CEP128: variants seen among roughly 807,000 people sequenced by gnomAD.
CEP128 encodes centrosomal protein 128kDa.
CEP128 carries 132 observed loss-of-function variants against 156.7 expected under a neutral mutation model. The ratio of observed to expected loss-of-function variants is 0.84; its 90% CI spans 0.73 to 0.97. The LOEUF (loss-of-function observed/expected upper bound fraction) is 0.97. Ranked by LOEUF, CEP128 falls within the 50% of genes least tolerant of loss-of-function variation. The pLI, the probability that CEP128 is intolerant of heterozygous loss-of-function variation, is 0.00. For synonymous variants in CEP128, 469 were observed against 448.9 expected, an observed-to-expected ratio of 1.04 and a Z score of -0.57; for missense variants, 1,252 against 1,281.9, an observed-to-expected ratio of 0.98 and a Z score of 0.36.
intron 19 of CEP128, among the ~76,000 whole-genome samples, chr14:80,598,019 T>C (rs1892418716): frequency 6.7e-6 from 1 of 149,972 alleles, no homozygotes; most frequent in Admixed American, 6.6e-5. Context: ...ACTGAAATGT[T>C]TTCCATTTAA....
chr14:80,649,157 C>T (rs1263101090), intron 19 of CEP128, among the ~76,000 whole-genome samples: 1 of 151,994 alleles, frequency 6.6e-6, no homozygotes, highest in South Asian at 2.1e-4. Flanking sequence ...TGAACATGAA[C>T]AGGAGTGGGG....
intron 19 of CEP128, among the ~76,000 whole-genome samples, chr14:80,619,359 GACACACAGAC>G (rs1760659104): frequency 1.4e-5 from 1 of 72,678 alleles, no homozygotes; most frequent in Non-Finnish European, 2.5e-5. Context: ...ATGATTTAAA[GACACACAGAC>G]ACACACACAC....
chr14:80,563,492 A>C, intron 20 of CEP128, among the ~76,000 whole-genome samples: 1 of 140,754 alleles, frequency 7.1e-6, no homozygotes, highest in African/African-American at 2.7e-5. Flanking sequence ...GGTAATGCAG[A>C]CTCTCTGAAG....
chr14:80,547,908 C>T (rs1890053165), intron 21 of CEP128, among the ~76,000 whole-genome samples: 2 of 151,810 alleles, frequency 1.3e-5, no homozygotes, highest in Non-Finnish European at 2.9e-5. Context: ...AAGCAATTCT[C>T]CTGCCTCAGC....
chr14:80,595,132 A>T (rs1461570130), intron 19 of CEP128, among the ~76,000 whole-genome samples: 1 of 152,252 alleles, frequency 6.6e-6, no homozygotes, highest in East Asian at 1.9e-4. Context: ...CACATGGAAT[A>T]CTATGCAGCC....
chr14:80,938,605 T>C (rs1885968855), intron 2 of CEP128, among the ~76,000 whole-genome samples: 1 of 152,174 alleles, frequency 6.6e-6, no homozygotes, highest in Admixed American at 6.5e-5. Flanking sequence ...CAGAGCCTTT[T>C]ATCTATCGAG....
chr14:80,900,696 A>T (rs1883500188), intron 6 of CEP128, among the ~76,000 whole-genome samples: 1 of 152,240 alleles, frequency 6.6e-6, no homozygotes. Context: ...AAAACAAAAC[A>T]ATCATAGATA....
At chr14:80,670,330 G>A (rs1302289109) in intron 19 of CEP128, among the ~76,000 whole-genome samples, 1 of 152,146 alleles carries the variant, frequency 6.6e-6, no homozygotes, top group African/African-American at 2.4e-5. Flanking sequence ...GATTCAACCT[G>A]TATCCATCAA....
chr14:80,937,314 C>T (rs1049367703), intron 2 of CEP128, among the ~76,000 whole-genome samples: 89 of 152,244 alleles, frequency 5.8e-4, no homozygotes, highest in African/African-American at 1.9e-3. Flanking sequence ...GAGTGAGACC[C>T]TGTCTCAATC....
chr14:80,816,527 C>T (rs1884867806), intron 13 of CEP128, among the ~76,000 whole-genome samples: 1 of 152,100 alleles, frequency 6.6e-6, no homozygotes, highest in Non-Finnish European at 1.5e-5. Context: ...GCTACCATGC[C>T]CAGCCAGCAC....
At chr14:80,654,371 T>C (rs1378679019) in intron 19 of CEP128, among the ~76,000 whole-genome samples, 3 of 152,162 alleles carry the variant, frequency 2.0e-5, no homozygotes, top group South Asian at 2.1e-4. Flanking sequence ...TTTTGTCGTT[T>C]AGCTGAAATT....
chr14:80,770,730 T>C (rs1223238367), intron 16 of CEP128, among the ~76,000 whole-genome samples: 2 of 152,050 alleles, frequency 1.3e-5, no homozygotes, highest in African/African-American at 2.4e-5. Context: ...TCTAAATTAA[T>C]GTGTGGTGAC....
intron 13 of CEP128, among the ~76,000 whole-genome samples, chr14:80,804,224 A>G (rs771783448): frequency 6.6e-5 from 10 of 150,402 alleles, no homozygotes; most frequent in Non-Finnish European, 1.3e-4. Context: ...TATGCACACA[A>G]TTAATTACAA....
intron 13 of CEP128, among the ~76,000 whole-genome samples, chr14:80,826,832 G>A (rs528976859): frequency 3.3e-5 from 5 of 151,994 alleles, no homozygotes; most frequent in East Asian, 3.9e-4. Context: ...GTAAGTTGAC[G>A]GAAGATGGAG....
At chr14:80,613,900 T>G (rs1488066087) in intron 19 of CEP128, among the ~76,000 whole-genome samples, 2 of 152,152 alleles carry the variant, frequency 1.3e-5, no homozygotes, top group African/African-American at 4.8e-5. Flanking sequence ...ATATGTCTAT[T>G]TACTCACCAT....
intron 19 of CEP128, among the ~76,000 whole-genome samples, chr14:80,618,240 G>A (rs566558639): frequency 3.3e-5 from 5 of 152,150 alleles, no homozygotes; most frequent in African/African-American, 7.2e-5. Context: ...TTTAAAGAAC[G>A]TGTGATCATC....
chr14:80,734,324 G>C (rs1211404756), intron 19 of CEP128, among the ~76,000 whole-genome samples: 1 of 151,878 alleles, frequency 6.6e-6, no homozygotes. Flanking sequence ...ATAATCAAAA[G>C]TTTAATTTTT....
intron 14 of CEP128, among the ~76,000 whole-genome samples, chr14:80,481,314 C>G (rs559036252): frequency 7.9e-5 from 12 of 152,272 alleles, no homozygotes; most frequent in African/African-American, 2.9e-4. Flanking sequence ...CCCTGATAAA[C>G]CCATTAGCTC....
At chr14:80,952,478 G>A (rs1011112061) in intron 2 of CEP128, among the ~76,000 whole-genome samples, 4 of 151,984 alleles carry the variant, frequency 2.6e-5, no homozygotes, top group Admixed American at 6.5e-5. Flanking sequence ...ACAAGATATC[G>A]AAACCTGTGG....
Sources: allele counts gnomAD v4.1 joint callset (sites outside exome capture counted in the v4.1 genomes callset), GRCh38; gene constraint gnomAD v4.1.1; transcripts MANE v1.5; gene names NCBI Gene and HGNC (gene_info 2026-07-23, HGNC 2026-07-21).